Variants in NCKAP5 observed in about 807,000 individuals in gnomAD.
The protein encoded by NCKAP5 is nck-associated protein 5.
NCKAP5 carries 92 observed loss-of-function variants against 167.0 expected under a neutral mutation model. The ratio of observed to expected loss-of-function variants is 0.55; its 90% CI spans 0.47 to 0.66. NCKAP5 has a LOEUF of 0.66. Ranked by LOEUF, NCKAP5 falls within the 30% of genes least tolerant of loss-of-function variation. The pLI, the probability that NCKAP5 is intolerant of heterozygous loss-of-function variation, is 0.00. For synonymous variants in NCKAP5, 891 were observed against 877.4 expected, an observed-to-expected ratio of 1.02 and a Z score of -0.27; for missense variants, 2,378 against 2,315.0, an observed-to-expected ratio of 1.03 and a Z score of -0.56.
intron 2 of NCKAP5, among the ~76,000 whole-genome samples, chr2:133,520,622 C>T (rs1350737959): frequency 5.3e-5 from 8 of 152,162 alleles, no homozygotes; most frequent in Non-Finnish European, 1.0e-4. Context: ...GCAACTCTAG[C>T]TACTGAACTT....
the NCKAP5 span, among the ~76,000 whole-genome samples, chr2:133,604,439 C>A: frequency 6.6e-6 from 1 of 152,098 alleles, no homozygotes; most frequent in Admixed American, 6.5e-5. Context: ...CTCCTGATCT[C>A]AGGTGATCCA....
chr2:132,845,249 C>A (rs1226292708), intron 11 of NCKAP5, among the ~76,000 whole-genome samples: 1 of 152,030 alleles, frequency 6.6e-6, no homozygotes, highest in Non-Finnish European at 1.5e-5. Flanking sequence ...TAGTCTATTG[C>A]CTATTTTGCC....
At chr2:133,584,197 C>T in the NCKAP5 span, among the ~76,000 whole-genome samples, 1 of 152,182 alleles carries the variant, frequency 6.6e-6, no homozygotes, top group Non-Finnish European at 1.5e-5. Flanking sequence ...AGAAGTCTCA[C>T]ACATGCACAC....
At chr2:132,951,486 C>T (rs1023169562) in intron 8 of NCKAP5, among the ~76,000 whole-genome samples, 3 of 152,166 alleles carry the variant, frequency 2.0e-5, no homozygotes, top group African/African-American at 7.2e-5. Flanking sequence ...GGTCCTTTAT[C>T]GGACTTGGGT....
At chr2:133,342,155 G>A (rs1392879199) in intron 3 of NCKAP5, among the ~76,000 whole-genome samples, 3 of 152,068 alleles carry the variant, frequency 2.0e-5, no homozygotes, top group Non-Finnish European at 2.9e-5. Context: ...TAGCCAGGAT[G>A]GTCTCGATCT....
chr2:132,904,711 T>C (rs139740558), intron 8 of NCKAP5, among the ~76,000 whole-genome samples: 159 of 152,360 alleles, frequency 1.0e-3, no homozygotes, highest in African/African-American at 3.7e-3. Flanking sequence ...CCTCTTTTCT[T>C]ATTTCACTTT....
chr2:132,746,761 C>A (rs1310166781), intron 16 of NCKAP5, among the ~76,000 whole-genome samples: 1 of 152,030 alleles, frequency 6.6e-6, no homozygotes, highest in Non-Finnish European at 1.5e-5. Context: ...TACATTCATA[C>A]AACAAAATAC....
At chr2:133,470,201 C>A (rs1390295994) in intron 3 of NCKAP5, among the ~76,000 whole-genome samples, 2 of 151,746 alleles carry the variant, frequency 1.3e-5, no homozygotes, top group Non-Finnish European at 2.9e-5. Context: ...TGTGGATGTC[C>A]TTTCTGTTTG....
chr2:133,235,003 A>G (rs1426406342), intron 4 of NCKAP5, among the ~76,000 whole-genome samples: 2 of 148,910 alleles, frequency 1.3e-5, no homozygotes, highest in Non-Finnish European at 3.0e-5. Flanking sequence ...GAGGGACCCC[A>G]TCCAACTCAG....
At chr2:133,507,963 A>G (rs1325006737) in intron 3 of NCKAP5, among the ~76,000 whole-genome samples, 4 of 152,176 alleles carry the variant, frequency 2.6e-5, no homozygotes, top group Non-Finnish European at 5.9e-5. Context: ...AAATACAGCT[A>G]ATATATATAC....
intron 7 of NCKAP5, among the ~76,000 whole-genome samples, chr2:132,980,443 G>C (rs532099489): frequency 6.6e-6 from 1 of 152,018 alleles, no homozygotes; most frequent in South Asian, 2.1e-4. Context: ...TTAACTCTCC[G>C]GATGATTCCA....
intron 19 of NCKAP5, among the ~76,000 whole-genome samples, chr2:132,719,990 G>A (rs148445149): frequency 2.6e-5 from 4 of 152,308 alleles, no homozygotes; most frequent in African/African-American, 9.6e-5. Context: ...GCTTGGGAGA[G>A]CTGGATTTAC....
At chr2:133,390,346 C>G (rs1448914117) in intron 3 of NCKAP5, among the ~76,000 whole-genome samples, 1 of 152,162 alleles carries the variant, frequency 6.6e-6, no homozygotes, top group Non-Finnish European at 1.5e-5. Context: ...CTCCTTGACT[C>G]TCCTGTTGAA....
intron 2 of NCKAP5, among the ~76,000 whole-genome samples, chr2:133,552,651 C>T (rs540078069): frequency 1.0e-4 from 14 of 138,780 alleles, no homozygotes; most frequent in South Asian, 7.6e-4. Flanking sequence ...TGCTAGATGA[C>T]GAGTTAGTGG....
At chr2:132,980,335 G>A (rs943572965) in intron 7 of NCKAP5, among the ~76,000 whole-genome samples, 1 of 151,876 alleles carries the variant, frequency 6.6e-6, no homozygotes, top group Non-Finnish European at 1.5e-5. Flanking sequence ...ATAGGCCTGC[G>A]GAAATTTAAA....
intron 6 of NCKAP5, among the ~76,000 whole-genome samples, chr2:133,081,969 A>T (rs1233368974): frequency 6.6e-6 from 1 of 152,084 alleles, no homozygotes; most frequent in Non-Finnish European, 1.5e-5. Flanking sequence ...CAGTGTACAG[A>T]TTATTTCTTT....
chr2:133,566,692 A>G (rs1205889589), intron 1 of NCKAP5, among the ~76,000 whole-genome samples: 1 of 152,214 alleles, frequency 6.6e-6, no homozygotes, highest in African/African-American at 2.4e-5. Flanking sequence ...TTCTAGTTGT[A>G]GCTTTGCCAC....
At chr2:132,901,085 T>G (rs1574570149) in intron 8 of NCKAP5, among the ~76,000 whole-genome samples, 1 of 152,198 alleles carries the variant, frequency 6.6e-6, no homozygotes, top group Non-Finnish European at 1.5e-5. Context: ...TTTGCTTTTC[T>G]GCCCTTCTAC....
intron 5 of NCKAP5, among the ~76,000 whole-genome samples, chr2:133,188,751 A>G (rs994389174): frequency 1.3e-5 from 2 of 152,164 alleles, no homozygotes; most frequent in Non-Finnish European, 2.9e-5. Context: ...ACAAAGACAC[A>G]ACACACCAGA....
Sources: allele counts gnomAD v4.1 joint callset (sites outside exome capture counted in the v4.1 genomes callset), GRCh38; gene constraint gnomAD v4.1.1; transcripts MANE v1.5; gene names NCBI Gene and HGNC (gene_info 2026-07-23, HGNC 2026-07-21).